Variants in PLEKHG1 observed in about 807,000 individuals in gnomAD.
The protein encoded by PLEKHG1 is pleckstrin homology domain-containing family G member 1.
In PLEKHG1, 44 loss-of-function variants were observed where a neutral mutation model predicts 100.8. That is an observed-to-expected ratio of 0.44 (90% confidence interval 0.34 to 0.56). The LOEUF is 0.56. Ranked by LOEUF, PLEKHG1 falls within the 20% of genes least tolerant of loss-of-function variation. PLEKHG1 has a pLI of 0.01. For missense variants in PLEKHG1, 1,545 were observed against 1,720.9 expected, an observed-to-expected ratio of 0.90 and a Z score of 1.81; for synonymous variants, 640 against 662.5, an observed-to-expected ratio of 0.97 and a Z score of 0.52.
At position 150,831,109 on chromosome 6, in the gene PLEKHG1, T is replaced by C. The variant is rs1776897885; in HGVS notation, c.1998T>C (p.Tyr666=). ...ACCATGTCTATGATAACATCAGTTA[T>C]GAGGACTTAAAACTAATGGTTGCTA... Residue 666 remains tyrosine, a synonymous_variant, in exon 15 of 16, where the codon TAT becomes TAC. Coordinates refer to ENST00000358517, the Ensembl canonical transcript of PLEKHG1. The surrounding 1 kb of genome is among the most constrained non-coding windows in gnomAD (Gnocchi z 4.1). 4 of 1,614,076 alleles carry C rather than the reference T, an allele frequency of 2.5e-6. No individual in the cohort carries two copies. The highest frequency in any genetic ancestry group is 3.4e-6 in the Non-Finnish European group (4 of 1,179,962).
chr6:150,686,761 C>A (rs77819329), intron 3 of PLEKHG1: 1 of 152,346 alleles, frequency 6.6e-6, no homozygotes, highest in Non-Finnish European at 1.5e-5. Flanking sequence ...AGGAACTGCC[C>A]GGACCTGTCA....
chr6:150,762,255 T>A (rs1002227553), intron 2 of PLEKHG1, among the ~76,000 whole-genome samples: 2 of 151,458 alleles, frequency 1.3e-5, no homozygotes, highest in East Asian at 3.9e-4. Context: ...AGTGGCGCAA[T>A]CTCAGCTCAC....
chr6:150,717,947 G>C (rs1781505033), upstream of PLEKHG1, among the ~76,000 whole-genome samples: 1 of 152,066 alleles, frequency 6.6e-6, no homozygotes, highest in Non-Finnish European at 1.5e-5. Flanking sequence ...GTGTGGTGGT[G>C]CACACCTGTA....
chr6:150,663,015 G>A (rs1004026911), intron 3 of PLEKHG1: 3 of 151,730 alleles, frequency 2.0e-5, no homozygotes, highest in Admixed American at 6.6e-5. Context: ...AAAACAGACG[G>A]GAAGAGGTTT....
At chr6:150,756,781 G>T (rs941225685) in intron 2 of PLEKHG1, among the ~76,000 whole-genome samples, 2 of 152,066 alleles carry the variant, frequency 1.3e-5, no homozygotes, top group Non-Finnish European at 2.9e-5. Context: ...ATAAGTCAAG[G>T]CTTTTGTCTT....
rs994071009 is a variant in PLEKHG1, at chr6:150,683,499, C to CGT, written c.-99+32725_-99+32726dup. 2.9e-4 allele frequency: 59 copies of CGT among 203,306 alleles called. No individual in the cohort carries two copies. Among genetic ancestry groups the CGT allele is most frequent in the South Asian group, 6.2e-4 (8 of 12,888 alleles). The allele number at this position is 203,306 out of a possible 1,614,324, so 12.6% of individuals were successfully genotyped here. ...CGCAGCAGGTCCGGTGAAGGAAGCACGTGTGTGTGTGTGGAAGGGTGGCGC... is the reference window on the plus strand; with the variant it reads ...CGCAGCAGGTCCGGTGAAGGAAGCACGTGTGTGTGTGTGTGGAAGGGTGGCGC... On this transcript the variant is annotated intron_variant, in intron 3 of 3. Coordinates refer to the PLEKHG1 transcript ENST00000367326. The surrounding 1 kb of genome is among the most constrained non-coding windows in gnomAD (Gnocchi z 4.0).
At chr6:150,718,469 C>T (rs1278479033), upstream of PLEKHG1, among the ~76,000 whole-genome samples, 2 of 130,680 alleles carry the variant, frequency 1.5e-5, no homozygotes, top group Admixed American at 8.0e-5. Context: ...CTTCCCTTTA[C>T]TTTTTTTTTT....
chr6:150,691,386 G>A (rs150695412), intron 3 of PLEKHG1, among the ~76,000 whole-genome samples: 1 of 152,234 alleles, frequency 6.6e-6, no homozygotes, highest in African/African-American at 2.4e-5. Flanking sequence ...TCAGGGATGA[G>A]TGAAATAATG....
chr6:150,833,142 A>G (rs1777046400), intron 15 of PLEKHG1, among the ~76,000 whole-genome samples: 1 of 151,484 alleles, frequency 6.6e-6, no homozygotes, highest in African/African-American at 2.4e-5. Context: ...TCCTGGGCTC[A>G]GGTGATCCTC....
chr6:150,798,260 G>T (rs576259580), intron 5 of PLEKHG1, among the ~76,000 whole-genome samples: 1 of 152,156 alleles, frequency 6.6e-6, no homozygotes, highest in East Asian at 1.9e-4. Flanking sequence ...AAAACATTCA[G>T]ATTCTGAAGA....
At chr6:150,707,457 C>A (rs1475495995) in intron 3 of PLEKHG1, among the ~76,000 whole-genome samples, 1 of 152,052 alleles carries the variant, frequency 6.6e-6, no homozygotes, top group Non-Finnish European at 1.5e-5. Flanking sequence ...CCTCAAGGGC[C>A]AGGCAGATCA....
At chr6:150,814,279 A>AT (rs1160133683) in intron 10 of PLEKHG1, among the ~76,000 whole-genome samples, 4 of 152,294 alleles carry the variant, frequency 2.6e-5, no homozygotes, top group Middle Eastern at 3.4e-3. Context: ...GAAAATCAAA[A>AT]TTGCTAACAA....
chr6:150,630,131 G>C (rs1777686292), intron 1 of PLEKHG1, among the ~76,000 whole-genome samples: 1 of 152,174 alleles, frequency 6.6e-6, no homozygotes, highest in African/African-American at 2.4e-5. Context: ...GTTCAGCAGG[G>C]AGGCCAGTAC....
At chr6:150,733,490 C>A in intron 1 of PLEKHG1, 94 bp from the exon 3 acceptor site, 1 of 1,093,180 alleles carries the variant, frequency 9.1e-7, no homozygotes, top group Non-Finnish European at 1.3e-6. Context: ...TTGTTATTGA[C>A]TGTATTTATT....
At chr6:150,821,503 G>C (rs1306639053) in intron 13 of PLEKHG1, among the ~76,000 whole-genome samples, 1 of 152,006 alleles carries the variant, frequency 6.6e-6, no homozygotes, top group Non-Finnish European at 1.5e-5. Flanking sequence ...GGCCAACATG[G>C]TGAAACCCCG....
intron 3 of PLEKHG1, among the ~76,000 whole-genome samples, chr6:150,673,996 A>G (rs991431805): frequency 6.6e-6 from 1 of 152,138 alleles, no homozygotes; most frequent in Non-Finnish European, 1.5e-5. Flanking sequence ...CTCAGTTTGT[A>G]GAAGAGAGCC....
exon 16 of PLEKHG1, chr6:150,841,464 G>C (rs1341495786): frequency 6.3e-6 from 1 of 158,074 alleles, no homozygotes; most frequent in African/African-American, 2.4e-5. Context: ...ATGTCATTTT[G>C]ATGCAGAAAT....
At chr6:150,722,872 T>G (rs950450491) in intron 1 of PLEKHG1, among the ~76,000 whole-genome samples, 1 of 152,200 alleles carries the variant, frequency 6.6e-6, no homozygotes, top group Non-Finnish European at 1.5e-5. Flanking sequence ...CACTGTTTAG[T>G]TACTGCCTTG....
At chr6:150,772,263 T>G (rs977779456) in intron 3 of PLEKHG1, among the ~76,000 whole-genome samples, 3 of 152,240 alleles carry the variant, frequency 2.0e-5, no homozygotes, top group Non-Finnish European at 2.9e-5. Flanking sequence ...GTAACCTGGC[T>G]TAGTACACAA....
Sources: allele counts gnomAD v4.1 joint callset (sites outside exome capture counted in the v4.1 genomes callset), GRCh38; gene constraint gnomAD v4.1.1; non-coding constraint Gnocchi (gnomAD v3.1); transcripts MANE v1.5; gene names NCBI Gene and HGNC (gene_info 2026-07-23, HGNC 2026-07-21).